SYN2: variants seen among roughly 807,000 people sequenced by gnomAD.
SYN2 encodes the protein synapsin-2.
SYN2 carries 19 observed loss-of-function variants against 50.9 expected under a neutral mutation model. The ratio of observed to expected loss-of-function variants is 0.37; its 90% CI spans 0.26 to 0.55. The LOEUF (loss-of-function observed/expected upper bound fraction) is 0.55, where lower values mean the gene tolerates loss of function less well. SYN2 is among the 20% of genes least tolerant of loss of function. SYN2 has a pLI of 0.81. For synonymous variants in SYN2, 255 were observed against 224.9 expected (o/e 1.13, Z -1.20); for missense variants, 587 against 576.4 (o/e 1.02, Z -0.19).
At chr3:12,058,902 G>A (rs1008876371) in intron 1 of SYN2, among the ~76,000 whole-genome samples, 8 of 152,152 alleles carry the variant, frequency 5.3e-5, no homozygotes, top group Non-Finnish European at 8.8e-5. Flanking sequence ...AACTTCTAGG[G>A]ATAGCACTTG....
At chr3:12,094,576 A>T (rs1695889562) in intron 1 of SYN2, among the ~76,000 whole-genome samples, 3 of 152,242 alleles carry the variant, frequency 2.0e-5, no homozygotes, top group African/African-American at 7.2e-5. Flanking sequence ...CACAGTAAGT[A>T]ACTTAGCCAT....
chr3:12,111,855 T>C (rs1266177697), intron 1 of SYN2, among the ~76,000 whole-genome samples: 1 of 152,130 alleles, frequency 6.6e-6, no homozygotes, highest in Non-Finnish European at 1.5e-5. Context: ...TTGGCTAGTG[T>C]AGTGTGATGT....
At chr3:12,149,203 G>A (rs1697221939) in intron 4 of SYN2, among the ~76,000 whole-genome samples, 1 of 152,214 alleles carries the variant, frequency 6.6e-6, no homozygotes, top group Non-Finnish European at 1.5e-5. Flanking sequence ...TGGAAAGGTA[G>A]GGCCCCACAT....
At chr3:12,127,730 G>A (rs1696702679) in intron 1 of SYN2, among the ~76,000 whole-genome samples, 1 of 152,206 alleles carries the variant, frequency 6.6e-6, no homozygotes, top group Admixed American at 6.5e-5. Context: ...GTGGTGAGTA[G>A]GCTGATAATG....
intron 10 of SYN2, among the ~76,000 whole-genome samples, chr3:12,180,649 A>G (rs1698201216): frequency 6.6e-6 from 1 of 152,140 alleles, no homozygotes; most frequent in Non-Finnish European, 1.5e-5. Flanking sequence ...GAAGTCTTCC[A>G]TACACAATCT....
At chr3:12,122,972 A>G (rs1173175367) in intron 1 of SYN2, among the ~76,000 whole-genome samples, 1 of 152,212 alleles carries the variant, frequency 6.6e-6, no homozygotes, top group Non-Finnish European at 1.5e-5. Flanking sequence ...AGCATTGCCA[A>G]TGGCCATATA....
At chr3:12,120,526 A>G (rs1574951184) in intron 1 of SYN2, among the ~76,000 whole-genome samples, 1 of 152,316 alleles carries the variant, frequency 6.6e-6, no homozygotes, top group Non-Finnish European at 1.5e-5. Context: ...CAGGCAGGTC[A>G]TGGTGGCACA....
chr3:12,089,879 A>G (rs1311458583), intron 1 of SYN2, among the ~76,000 whole-genome samples: 3 of 152,218 alleles, frequency 2.0e-5, no homozygotes, highest in South Asian at 4.2e-4. Context: ...ATTCAAGACT[A>G]TTGAGATTTA....
chr3:12,106,052 A>G (rs1696182081), intron 1 of SYN2, among the ~76,000 whole-genome samples: 1 of 152,080 alleles, frequency 6.6e-6, no homozygotes, highest in South Asian at 2.1e-4. Context: ...TTATCTGGAG[A>G]CACTGGGGAA....
rs963036536 is a variant in SYN2 at position 12,046,375 on chromosome 3, T to C, written c.377+41447T>C. 5.9e-5 allele frequency among the ~76,000 whole-genome samples: 9 copies of C among 152,140 alleles called. No individual in the cohort carries two copies. In the East Asian group the frequency reaches 1.6e-3, roughly 26 times the overall value. On this transcript the variant is annotated intron_variant, in intron 1 of 12. Transcript: ENST00000621198. ...TGTGAAAGGGAAAGAGCATAGTTAG[T>C]TTAAAGAAAGACATTTCTTTGTGAC...
intron 1 of SYN2, among the ~76,000 whole-genome samples, chr3:12,048,390 A>G (rs1464438867): frequency 6.6e-6 from 1 of 151,864 alleles, no homozygotes; most frequent in Non-Finnish European, 1.5e-5. Flanking sequence ...CTGGTCTTGA[A>G]CTCGTGAGCT....
chr3:12,176,064 A>G (rs755367952), intron 10 of SYN2, among the ~76,000 whole-genome samples: 1 of 152,178 alleles, frequency 6.6e-6, no homozygotes, highest in Non-Finnish European at 1.5e-5. Flanking sequence ...CTCATGGCCA[A>G]AGCCTCCAGG....
Position 12,141,937 on chromosome 3 carries a change from T to C in SYN2, c.468T>C (p.His156=). ...AEFSELNLVA[H]ADGTYAVDMQ... is the part of the protein sequence containing the mutation. ...TTTCAGAGCTCAACCTGGTGGCCCA[T>C]GCAGATGGCACCTATGCTGTGGATA... Residue 156 remains histidine (H), a synonymous_variant, in exon 3 of 13, where the codon CAT becomes CAC. Transcript: ENST00000621198. 3 of 780,852 alleles carry C rather than the reference T, an allele frequency of 3.8e-6. No individual in the cohort carries two copies. In the South Asian group the frequency reaches 4.0e-5, roughly 10 times the overall value. 48.4% of individuals were successfully genotyped at this position (780,852 alleles called of 1,614,324 possible). A position where few individuals can be genotyped will look rare whatever the true frequency, so the allele number is the denominator to read the frequency against.
In SYN2 at chr3:12,104,568, TTC is replaced by T. The variant is rs1361253358; in HGVS notation, c.378-36081_378-36080del. 5.0e-4 allele frequency among the ~76,000 whole-genome samples: 51 copies of T among 101,298 alleles called. 1 individual carries two copies. Among genetic ancestry groups the T allele is most frequent in the African/African-American group, 2.0e-3 (47 of 23,464 alleles). 66.5% of individuals were successfully genotyped at this position (101,298 alleles called of 152,430 possible). On this transcript the variant is annotated intron_variant, in intron 1 of 12. Transcript: ENST00000621198. ...ACATGTGAAACATTTTTCTTTTCTT[TTC>T]TTTTTTTTTTTTTTTTTTTTTTGAG...
intron 1 of SYN2, among the ~76,000 whole-genome samples, chr3:12,050,436 C>T (rs1346561736): frequency 6.6e-6 from 1 of 151,040 alleles, no homozygotes; most frequent in Non-Finnish European, 1.5e-5. Context: ...ACCTCTGCCT[C>T]CCAGGTTCAA....
intron 12 of SYN2, among the ~76,000 whole-genome samples, chr3:12,189,035 C>T (rs1698398531): frequency 6.6e-6 from 1 of 152,204 alleles, no homozygotes; most frequent in Non-Finnish European, 1.5e-5. Flanking sequence ...GGTCTCGTTC[C>T]CAGCCCTAAT....
chr3:12,187,768 T>TTGTGTGTG (rs35996249), intron 12 of SYN2, among the ~76,000 whole-genome samples, 156 bp downstream of exon 12: 4 of 149,902 alleles, frequency 2.7e-5, no homozygotes, highest in African/African-American at 9.8e-5. Context: ...TTTTTGGTTT[T>TTGTGTGTG]TGTGTGTGTG....
chr3:12,068,589 T>C (rs1695272248), intron 1 of SYN2, among the ~76,000 whole-genome samples: 1 of 152,248 alleles, frequency 6.6e-6, no homozygotes, highest in Admixed American at 6.5e-5. Flanking sequence ...ATCCATATTT[T>C]TCTATGCTCT....
chr3:12,044,181 T>TCTCTCTCACACACACACACA (rs573246278), intron 1 of SYN2, among the ~76,000 whole-genome samples: 25 of 53,402 alleles, frequency 4.7e-4, no homozygotes, highest in African/African-American at 1.1e-3. Flanking sequence ...TCTCTCTCTC[T>TCTCTCTCACACACACACACA]CACACACACA....
Sources: allele counts gnomAD v4.1 joint callset (sites outside exome capture counted in the v4.1 genomes callset), GRCh38; gene constraint gnomAD v4.1.1; transcripts MANE v1.5; gene names NCBI Gene and HGNC (gene_info 2026-07-23, HGNC 2026-07-21).